GBX1: variants seen among roughly 807,000 people sequenced by gnomAD.
GBX1 encodes gastrulation brain homeobox 1, also known as homeobox protein GBX-1.
In GBX1, 9 loss-of-function variants were observed where a neutral mutation model predicts 22.9. That is an observed-to-expected ratio of 0.39 (90% CI 0.24 to 0.69). The LOEUF is 0.69. Among genes scored for constraint, GBX1 ranks in the 30% least tolerant of loss-of-function variants. The pLI, the probability that GBX1 is intolerant of heterozygous loss-of-function variation, is 0.43. For synonymous variants in GBX1, 203 were observed against 227.3 expected (o/e 0.89, Z 0.96); for missense variants, 494 against 509.2 (o/e 0.97, Z 0.29).
rs1340838026 is a variant in GBX1 at position 151,167,541 on chromosome 7, C to G, written c.8G>C (p.Arg3Pro). ...CCCAGGGGCGCTACCGCCTCCGGCCCGCTGCATCTTGTTCGGAGCTGCGGC... is the reference window on the plus strand; with the variant it reads ...CCCAGGGGCGCTACCGCCTCCGGCCGGCTGCATCTTGTTCGGAGCTGCGGC... Reference protein sequence around the residue: MQRAGGGSAPGGN... With the variant: MQPAGGGSAPGGN... Residue 3 changes from arginine (R) to proline (P), a missense_variant, in exon 1 of 2, where the codon CGG (arginine) becomes CCG (proline). Coordinates refer to ENST00000297537, the MANE Select transcript of GBX1 (RefSeq NM_001098834.3). The surrounding 1 kb of genome is among the most constrained non-coding windows in gnomAD (Gnocchi z 5.9). The G allele has an allele frequency of 1.3e-4, 194 of 1,456,796 alleles. 1 individual carries two copies. The East Asian group carries it at 5.5e-3, about 41-fold the overall frequency. 90.2% of individuals were successfully genotyped at this position (1,456,796 alleles called of 1,614,324 possible).
At chr7:151,153,037 T>G in intron 1 of GBX1, among the ~76,000 whole-genome samples, 1 of 147,478 alleles carries the variant, frequency 6.8e-6, no homozygotes, top group East Asian at 2.0e-4. Flanking sequence ...CGACAAGGAG[T>G]GGGAGAGAGA....
At chr7:151,153,726 T>C (rs1801104295) in intron 1 of GBX1, among the ~76,000 whole-genome samples, 1 of 152,008 alleles carries the variant, frequency 6.6e-6, no homozygotes, top group Non-Finnish European at 1.5e-5. Flanking sequence ...TTTTTATTTT[T>C]ATTTTTTTTA....
intron 1 of GBX1, among the ~76,000 whole-genome samples, chr7:151,154,752 G>T (rs192002268): frequency 3.0e-4 from 45 of 152,306 alleles, no homozygotes; most frequent in Admixed American, 2.8e-3. Flanking sequence ...TGCTTGCATG[G>T]GGCCTTCCTT....
chr7:151,151,892 A>G (rs1327264846), intron 1 of GBX1, among the ~76,000 whole-genome samples: 1 of 152,138 alleles, frequency 6.6e-6, no homozygotes, highest in East Asian at 1.9e-4. Flanking sequence ...ATCTTGCACT[A>G]GCTTATTCCC....
At position 151,167,618 on chromosome 7, in the gene GBX1, G is replaced by C; in HGVS notation, c.-70C>G. ...CCTCCGTGCGCCCCGCGGCTCGGGCGCCCCGCGCGGACACGCAGGGCTCGC... is the reference window on the plus strand; with the variant it reads ...CCTCCGTGCGCCCCGCGGCTCGGGCCCCCCGCGCGGACACGCAGGGCTCGC... On this transcript the variant is annotated 5_prime_UTR_variant, in exon 1 of 2. Transcript: ENST00000297537. The surrounding 1 kb of genome is among the most constrained non-coding windows in gnomAD (Gnocchi z 5.9). 1 of 1,223,100 alleles carries C rather than the reference G, an allele frequency of 8.2e-7. No individual in the cohort carries two copies. 75.8% of individuals were successfully genotyped at this position (1,223,100 alleles called of 1,614,324 possible).
chr7:151,151,112 G>A (rs1010729932), intron 1 of GBX1, among the ~76,000 whole-genome samples: 12 of 152,284 alleles, frequency 7.9e-5, no homozygotes, highest in East Asian at 3.9e-4. Flanking sequence ...TACCTCGAAG[G>A]TGTTTTCATC....
intron 1 of GBX1, among the ~76,000 whole-genome samples, chr7:151,155,601 C>G (rs1801125243): frequency 6.6e-6 from 1 of 151,898 alleles, no homozygotes. Context: ...TACTCCAAGT[C>G]AAAAAAATTT....
chr7:151,166,664 GCTTGTCTACC>G (rs1801255172), intron 1 of GBX1, among the ~76,000 whole-genome samples: 1 of 152,048 alleles, frequency 6.6e-6, no homozygotes, highest in Non-Finnish European at 1.5e-5. Flanking sequence ...CATCCTTGTA[GCTTGTCTACC>G]CCTGACAGAG....
intron 1 of GBX1, among the ~76,000 whole-genome samples, chr7:151,164,619 C>T (rs1801228163): frequency 6.6e-6 from 1 of 152,090 alleles, no homozygotes; most frequent in Non-Finnish European, 1.5e-5. Context: ...GTCCCAGCCT[C>T]CCCACTATAA....
chr7:151,153,747 G>A (rs781180708), intron 1 of GBX1, among the ~76,000 whole-genome samples: 78 of 151,568 alleles, frequency 5.1e-4, no homozygotes, highest in Non-Finnish European at 9.4e-4. Context: ...CTTTTTTGCA[G>A]TGTTGGGGTC....
intron 1 of GBX1, among the ~76,000 whole-genome samples, chr7:151,150,788 T>C (rs1264409469): frequency 6.6e-6 from 1 of 152,150 alleles, no homozygotes; most frequent in Non-Finnish European, 1.5e-5. Flanking sequence ...GGCTGGAGTA[T>C]AGTGCACAGT....
intron 1 of GBX1, among the ~76,000 whole-genome samples, chr7:151,162,510 A>G (rs577499940): frequency 6.6e-6 from 1 of 152,298 alleles, no homozygotes; most frequent in Admixed American, 6.5e-5. Context: ...AAATCTTTTT[A>G]AGCTTAGTTT....
intron 1 of GBX1, among the ~76,000 whole-genome samples, chr7:151,159,618 T>G (rs961239854): frequency 1.3e-5 from 2 of 152,192 alleles, no homozygotes; most frequent in Non-Finnish European, 2.9e-5. Context: ...TGGACTCAAG[T>G]GATCCACCTC....
chr7:151,149,225 G>C (rs1801049880), intron 1 of GBX1, 83 bp from the exon 2 acceptor site: 1 of 1,321,460 alleles, frequency 7.6e-7, no homozygotes, highest in Non-Finnish European at 1.0e-6. Flanking sequence ...ACCATGGCCA[G>C]AAATGGGGGG....
intron 1 of GBX1, among the ~76,000 whole-genome samples, chr7:151,162,078 T>TCCA (rs1368486108): frequency 6.6e-6 from 1 of 152,206 alleles, no homozygotes; most frequent in African/African-American, 2.4e-5. Flanking sequence ...GAGAATTGAA[T>TCCA]CCACGTGTCA....
At chr7:151,156,451 C>T (rs1207075904) in intron 1 of GBX1, among the ~76,000 whole-genome samples, 1 of 146,564 alleles carries the variant, frequency 6.8e-6, no homozygotes, top group Non-Finnish European at 1.5e-5. Flanking sequence ...AAGATCTCAT[C>T]CCTTTCACTT....
rs546677456 is a variant in GBX1, at chr7:151,165,414, ATG to A, written c.538+1595_538+1596del. ...CTCTCTTCAGCTCATCTCTTTCTATATGTGTCTGGTTACACCTTCAGGTCCTA... is the reference window on the plus strand; with the variant it reads ...CTCTCTTCAGCTCATCTCTTTCTATATGTCTGGTTACACCTTCAGGTCCTA... On this transcript the variant is annotated intron_variant, in intron 1 of 1. Coordinates refer to ENST00000297537, the MANE Select transcript of GBX1 (RefSeq NM_001098834.3). 2.0e-4 allele frequency among the ~76,000 whole-genome samples: 31 copies of A among 152,148 alleles called. No homozygotes were observed. The South Asian group carries it at 6.0e-3, about 30-fold the overall frequency.
intron 1 of GBX1, among the ~76,000 whole-genome samples, chr7:151,164,056 C>T (rs1057428863): frequency 1.3e-5 from 2 of 152,128 alleles, no homozygotes; most frequent in Admixed American, 6.5e-5. Context: ...AAAAAATAGT[C>T]CCTGTAATTC....
chr7:151,155,650 A>G (rs1160186197), intron 1 of GBX1, among the ~76,000 whole-genome samples: 1 of 152,096 alleles, frequency 6.6e-6, no homozygotes, highest in African/African-American at 2.4e-5. Flanking sequence ...TCCCAGCTTC[A>G]TGACAAGTTC....
Sources: allele counts gnomAD v4.1 joint callset (sites outside exome capture counted in the v4.1 genomes callset), GRCh38; gene constraint gnomAD v4.1.1; non-coding constraint Gnocchi (gnomAD v3.1); transcripts MANE v1.5; gene names NCBI Gene and HGNC (gene_info 2026-07-23, HGNC 2026-07-21).